Variants in ZIC1 observed in about 807,000 individuals in gnomAD.
ZIC1 encodes the protein zinc finger protein ZIC 1.
In ZIC1, 4 loss-of-function variants were observed where a neutral mutation model predicts 30.9. The observed-to-expected ratio is 0.13, with a 90% CI of 0.06 to 0.30. The LOEUF is 0.30. ZIC1 is among the 10% of genes least tolerant of loss of function. ZIC1 has a pLI of 1.00. For synonymous variants in ZIC1, 305 were observed against 277.5 expected, an observed-to-expected ratio of 1.10 and a Z score of -0.98; for missense variants, 441 against 639.3, an observed-to-expected ratio of 0.69 and a Z score of 3.34.
rs1189648689 is a variant in ZIC1 at position 147,412,632 on chromosome 3, T to A, written c.1097T>A (p.Met366Lys). 1.2e-6 allele frequency: 2 copies of A among 1,614,236 alleles called. No individual in the cohort carries two copies. Among genetic ancestry groups the A allele is most frequent in the Admixed American group, 3.3e-5 (2 of 60,032 alleles). ...HTSDKPYLCK[M>K]CDKSYTHPSS... ...AGCGACAAGCCCTATCTTTGCAAGA[T>A]GTGCGACAAGTCCTACACGCATCCC... is the stretch of plus-strand genomic sequence containing the variant. Residue 366 changes from methionine to lysine, a missense_variant, in exon 2 of 3, where the codon ATG becomes AAG. Physicochemically the swap from Met to Lys is moderately conservative, Grantham distance 95. Around this residue, in one of 5 missense-constraint regions of ZIC1, gnomAD observed 31 missense variants for 65.2 expected, o/e 0.48. Coordinates refer to ENST00000282928, the MANE Select transcript of ZIC1 (RefSeq NM_003412.4).
At chr3:147,412,467 G>A in intron 1 of ZIC1, 51 bp from the exon 2 acceptor site, 6 of 1,594,234 alleles carry the variant, frequency 3.8e-6, no homozygotes, top group Non-Finnish European at 5.1e-6. Context: ...TTGAAAAACG[G>A]CCGCGGTATT....
In ZIC1 at chr3:147,409,962, A is replaced by T; in HGVS notation, c.-151A>T. 1 of 851,062 alleles carries T rather than the reference A, an allele frequency of 1.2e-6. No individual in the cohort carries two copies. Among genetic ancestry groups the T allele is most frequent in the South Asian group, 1.9e-5 (1 of 51,400 alleles). 52.7% of individuals were successfully genotyped at this position (851,062 alleles called of 1,614,324 possible). The stretch of plus-strand genomic sequence containing the variant: ...GCCGCGCCATTGCCTGCAGGCTAGG[A>T]CTTCGCGAGGTGGGTCGACTCCCCC... On this transcript the variant is annotated 5_prime_UTR_variant, in exon 1 of 3. Transcript: ENST00000282928.
chr3:147,410,569 C>G lies in ZIC1; in HGVS notation c.457C>G (p.His153Asp). 6.2e-7 allele frequency: 1 copy of G among 1,611,976 alleles called. No individual in the cohort carries two copies. Among genetic ancestry groups the G allele is most frequent in the East Asian group, 2.2e-5 (1 of 44,820 alleles). ...FPGLHEQAAG[H>D]ASPNVVNGQM... ...CGGGCTTCACGAGCAGGCTGCCGGC[C>G]ACGCGTCGCCTAACGTGGTCAACGG... Residue 153 changes from histidine to aspartate, a missense_variant, in exon 1 of 3, where the codon CAC becomes GAC. His to Asp is a moderately conservative substitution (Grantham distance 81). Transcript: ENST00000282928.
Position 147,410,560 on chromosome 3 carries a change from G to T in ZIC1, c.448G>T (p.Ala150Ser), listed in dbSNP as rs1268777811. 2.5e-6 allele frequency: 4 copies of T among 1,611,474 alleles called. No homozygotes were observed. The highest frequency in any genetic ancestry group is 2.7e-5 in the African/African-American group (2 of 75,022). The change falls in exon 1 of 3, where the codon GCT becomes TCT. Residue 150 changes from alanine to serine, a missense_variant. Coordinates refer to ENST00000282928, the MANE Select transcript of ZIC1 (RefSeq NM_003412.4). The part of the protein sequence containing the change: ...HLLFPGLHEQ[A>S]AGHASPNVVN... The stretch of plus-strand genomic sequence containing the variant: ...CCTCTTCCCCGGGCTTCACGAGCAG[G>T]CTGCCGGCCACGCGTCGCCTAACGT...
rs915472876 is a variant in ZIC1 at position 147,409,440 on chromosome 3, C to G, written c.-673C>G. On this transcript the variant is annotated 5_prime_UTR_variant, in exon 1 of 3. Coordinates refer to ENST00000282928, the MANE Select transcript of ZIC1 (RefSeq NM_003412.4). Reference sequence around the variant, plus strand: ...CCCGGCTGAGGAGGTGAAAGTTTCTCCCCAGGAAGATAAACCGCAAAAGAC... The same window carrying G: ...CCCGGCTGAGGAGGTGAAAGTTTCTGCCCAGGAAGATAAACCGCAAAAGAC... The G allele has an allele frequency of 3.3e-5, 5 of 152,646 alleles. No homozygotes were observed. Among genetic ancestry groups the G allele is most frequent in the Admixed American group, 3.3e-4 (5 of 15,288 alleles). 9.5% of individuals were successfully genotyped at this position (152,646 alleles called of 1,614,324 possible). A position where few individuals can be genotyped will look rare whatever the true frequency, so the allele number is the denominator to read the frequency against.
In ZIC1 at chr3:147,410,593, G is replaced by A. The variant is rs1176462079; in HGVS notation, c.481G>A (p.Gly161Arg). The change falls in exon 1 of 3, where the codon GGG (glycine) becomes AGG (arginine). Residue 161 changes from glycine (G) to arginine (R), a missense_variant. Around this residue, in one of 5 missense-constraint regions of ZIC1, gnomAD observed 307 missense variants for 355.3 expected, o/e 0.86. Transcript: ENST00000282928. ...AGHASPNVVN[G>R]QMRLGFSGDM... ...CCACGCGTCGCCTAACGTGGTCAAC[G>A]GGCAGATGAGGCTCGGCTTCTCGGG... The A allele has an allele frequency of 6.2e-7, 1 of 1,613,318 alleles. No individual in the cohort carries two copies. Among genetic ancestry groups the A allele is most frequent in the Non-Finnish European group, 8.5e-7 (1 of 1,179,854 alleles).
chr3:147,410,937 G>A lies in ZIC1; in HGVS notation c.825G>A (p.Glu275=), dbSNP rs778677312. ...GTAATCACATCTGCTTCTGGGAGGA[G>A]TGTCCGCGCGAGGGCAAGCCCTTCA... is the stretch of plus-strand genomic sequence containing the variant. The part of the protein sequence containing the change: ...EQSNHICFWE[E]CPREGKPFKA... The change falls in exon 1 of 3, where the codon GAG becomes GAA. Residue 275 remains glutamate, a synonymous_variant. Coordinates refer to ENST00000282928, the MANE Select transcript of ZIC1 (RefSeq NM_003412.4). 3 of 1,614,160 alleles carry A rather than the reference G, an allele frequency of 1.9e-6. No homozygotes were observed. The African/African-American group carries it at 4.0e-5, about 22-fold the overall frequency.
Position 147,411,108 on chromosome 3 carries a change from T to G in ZIC1, c.982+14T>G. On this transcript the variant is annotated intron_variant, in intron 1 of 2. Transcript: ENST00000282928. ...GGACGCACACAGGTACGGAAACAGC[T>G]GTAGGACCCCTACCCATTCCCACTT... is the stretch of plus-strand genomic sequence containing the variant. 6.2e-7 allele frequency: 1 copy of G among 1,604,662 alleles called. No homozygotes were observed. The highest frequency in any genetic ancestry group is 2.2e-5 in the East Asian group (1 of 44,834).
Position 147,410,903 on chromosome 3 carries a change from C to T in ZIC1, c.791C>T (p.Pro264Leu). 1 of 1,614,278 alleles carries T rather than the reference C, an allele frequency of 6.2e-7. No homozygotes were observed. The stretch of plus-strand genomic sequence containing the variant: ...GTCACCGTGGAGCACGTAGGTGGCC[C>T]GGAGCAGAGTAATCACATCTGCTTC... ...THVTVEHVGG[P>L]EQSNHICFWE... Residue 264 changes from proline to leucine, a missense_variant, in exon 1 of 3, where the codon CCG (proline) becomes CTG (leucine). Around this residue, in one of 5 missense-constraint regions of ZIC1, gnomAD observed 33 missense variants for 66.5 expected, o/e 0.50. Coordinates refer to ENST00000282928, the MANE Select transcript of ZIC1 (RefSeq NM_003412.4).
Position 147,409,765 on chromosome 3 carries a change from T to C in ZIC1, c.-348T>C, listed in dbSNP as rs552892919. Reference sequence around the variant, plus strand: ...GTTTTTTTTTAGGGGGCTGAGATGCTCCATGCCTTTCCCCGGGCAGCCTTG... The same window carrying C: ...GTTTTTTTTTAGGGGGCTGAGATGCCCCATGCCTTTCCCCGGGCAGCCTTG... On this transcript the variant is annotated 5_prime_UTR_variant, in exon 1 of 3. Transcript: ENST00000282928. 7.7e-4 allele frequency: 261 copies of C among 339,178 alleles called. 1 individual carries two copies. The highest frequency in any genetic ancestry group is 1.2e-3 in the Non-Finnish European group (216 of 186,568). 21.0% of individuals were successfully genotyped at this position (339,178 alleles called of 1,614,324 possible). A position where few individuals can be genotyped will look rare whatever the true frequency, so the allele number is the denominator to read the frequency against.
chr3:147,415,997 A>G lies in ZIC1; in HGVS notation c.*2446A>G, dbSNP rs1354974656. 5 of 152,216 alleles carry G rather than the reference A, an allele frequency of 3.3e-5. No individual in the cohort carries two copies. Among genetic ancestry groups the G allele is most frequent in the African/African-American group, 1.2e-4 (5 of 41,452 alleles). The allele number at this position is 152,216 out of a possible 1,614,324, so 9.4% of individuals were successfully genotyped here. On this transcript the variant is annotated 3_prime_UTR_variant, in exon 3 of 3. Coordinates refer to ENST00000282928, the MANE Select transcript of ZIC1 (RefSeq NM_003412.4). ...ATGTTATTCTGATTATAACAATAATATTGGCTTTTTTCATGAAAAGAGCGC... is the reference window on the plus strand; with the variant it reads ...ATGTTATTCTGATTATAACAATAATGTTGGCTTTTTTCATGAAAAGAGCGC...
rs770656886 is a variant in ZIC1, at chr3:147,410,291, G to A, written c.179G>A (p.Gly60Asp). 6.9e-6 allele frequency: 11 copies of A among 1,600,122 alleles called. No homozygotes were observed. In the South Asian group the frequency reaches 9.9e-5, roughly 14 times the overall value. ...NPSSHELASA[G>D]QTAFTSQAPG... is the part of the protein sequence containing the mutation. ...AGTTCGCACGAGCTGGCTTCGGCCG[G>A]CCAGACGGCCTTCACGTCGCAGGCG... is the stretch of plus-strand genomic sequence containing the variant. The change falls in exon 1 of 3, where the codon GGC becomes GAC. Residue 60 changes from glycine to aspartate, a missense_variant. By Grantham distance (94) the Gly-to-Asp change is moderately conservative. Transcript: ENST00000282928.
intron 2 of ZIC1, 33 bp from the exon 3 acceptor site, chr3:147,413,321 T>C: frequency 6.2e-7 from 1 of 1,602,848 alleles, no homozygotes; most frequent in Non-Finnish European, 8.5e-7. Context: ...ACTGGCTCTT[T>C]ATGTCCGTAA....
chr3:147,410,281 G>T lies in ZIC1; in HGVS notation c.169G>T (p.Ala57Ser). The T allele has an allele frequency of 3.1e-6, 5 of 1,600,346 alleles. No individual in the cohort carries two copies. The highest frequency in any genetic ancestry group is 4.2e-6 in the Non-Finnish European group (5 of 1,179,556). Residue 57 changes from alanine to serine, a missense_variant, in exon 1 of 3, where the codon GCT (alanine) becomes TCT (serine). Ala to Ser is a moderately conservative substitution (Grantham distance 99). Coordinates refer to ENST00000282928, the MANE Select transcript of ZIC1 (RefSeq NM_003412.4). ...FKLNPSSHEL[A>S]SAGQTAFTSQ... is the part of the protein sequence containing the mutation. ...GCTCAACCCCAGTTCGCACGAGCTG[G>T]CTTCGGCCGGCCAGACGGCCTTCAC...
At chr3:147,413,264 C>A in intron 2 of ZIC1, 90 bp from the exon 3 acceptor site, 1 of 1,425,584 alleles carries the variant, frequency 7.0e-7, no homozygotes, top group Non-Finnish European at 9.6e-7. Flanking sequence ...CCAAGGGGTC[C>A]AGGAGGAAGG....
chr3:147,410,988 C>T lies in ZIC1; in HGVS notation c.876C>T (p.His292=), dbSNP rs780076930. The change falls in exon 1 of 3, where the codon CAC becomes CAT. Residue 292 remains histidine, a synonymous_variant. Coordinates refer to ENST00000282928, the MANE Select transcript of ZIC1 (RefSeq NM_003412.4). ...AAGCCAAATACAAACTGGTTAACCA[C>T]ATCCGCGTGCACACGGGCGAGAAGC... is the stretch of plus-strand genomic sequence containing the variant. ...PFKAKYKLVN[H]IRVHTGEKPF... is the part of the protein sequence containing the mutation. 9 of 1,614,154 alleles carry T rather than the reference C, an allele frequency of 5.6e-6. No individual in the cohort carries two copies. Among genetic ancestry groups the T allele is most frequent in the East Asian group, 2.2e-5 (1 of 44,890 alleles).
At position 147,410,670 on chromosome 3, in the gene ZIC1, G is replaced by A; in HGVS notation, c.558G>A (p.Ser186=). The A allele has an allele frequency of 6.2e-7, 1 of 1,613,878 alleles. No homozygotes were observed. Among genetic ancestry groups the A allele is most frequent in the Non-Finnish European group, 8.5e-7 (1 of 1,179,946 alleles). The change falls in exon 1 of 3, where the codon TCG becomes TCA. Residue 186 remains serine, a synonymous_variant. Coordinates refer to ENST00000282928, the MANE Select transcript of ZIC1 (RefSeq NM_003412.4). ...ACGGCCAGGTGACCAGCCCGCGTTC[G>A]GAGCACTATGCTGCGCCGCAGCTGC... ...EQYGQVTSPR[S]EHYAAPQLHG...
rs112274758 is a variant in ZIC1, at chr3:147,416,460, T to A, written c.*2909T>A. The A allele has an allele frequency of 3.9e-5, 6 of 152,230 alleles. No individual in the cohort carries two copies. Among genetic ancestry groups the A allele is most frequent in the African/African-American group, 1.4e-4 (6 of 41,464 alleles). The allele number at this position is 152,230 out of a possible 1,614,324, so 9.4% of individuals were successfully genotyped here. The stretch of plus-strand genomic sequence containing the variant: ...AATTATAACTGTCTAATTTTTGTTG[T>A]GTACCTGATGCCCCTTTTGCTTTAA... On this transcript the variant is annotated 3_prime_UTR_variant, in exon 3 of 3. Coordinates refer to ENST00000282928, the MANE Select transcript of ZIC1 (RefSeq NM_003412.4).
rs1297241917 is a variant in ZIC1, at chr3:147,410,679, T to C, written c.567T>C (p.Tyr189=). The part of the protein sequence containing the change: ...GQVTSPRSEH[Y]AAPQLHGYGP... Reference sequence around the variant, plus strand: ...TGACCAGCCCGCGTTCGGAGCACTATGCTGCGCCGCAGCTGCACGGCTACG... The same window carrying C: ...TGACCAGCCCGCGTTCGGAGCACTACGCTGCGCCGCAGCTGCACGGCTACG... The change falls in exon 1 of 3, where the codon TAT becomes TAC. Residue 189 remains tyrosine, a synonymous_variant. Coordinates refer to ENST00000282928, the MANE Select transcript of ZIC1 (RefSeq NM_003412.4). 2 of 1,613,790 alleles carry C rather than the reference T, an allele frequency of 1.2e-6. No homozygotes were observed. The highest frequency in any genetic ancestry group is 4.5e-5 in the East Asian group (2 of 44,880).
Sources: gnomAD v4.1 joint callset for allele counts on GRCh38, gnomAD v4.1.1 for gene constraint, gnomAD v4.1.1 regional missense constraint, MANE v1.5 for transcripts, NCBI Gene and HGNC (gene_info 2026-07-23, HGNC 2026-07-21) for gene names.